CST7: variants seen among roughly 807,000 people sequenced by gnomAD.
The protein encoded by CST7 is cystatin F, also known as cystatin-F.
CST7 carries 15 observed loss-of-function variants against 13.1 expected under a neutral mutation model. That is an observed-to-expected ratio of 1.14 (90% confidence interval 0.77 to 1.76). The LOEUF (loss-of-function observed/expected upper bound fraction) is 1.76. CST7 is among the 40% of genes most tolerant of loss of function. The pLI is 0.00. For synonymous variants in CST7, 75 were observed against 66.9 expected, an observed-to-expected ratio of 1.12 and a Z score of -0.59; for missense variants, 193 against 178.8, an observed-to-expected ratio of 1.08 and a Z score of -0.45.
In CST7 at chr20:24,957,222, C is replaced by T. The variant is rs1199916593; in HGVS notation, c.71-65C>T. On this transcript the variant is annotated intron_variant, in intron 1 of 3. Coordinates refer to ENST00000480798, the MANE Select transcript of CST7 (RefSeq NM_003650.4). ...AACTGAGCATCACAGAGGCATGAGGCGTGACACCTGGACTGAAGGCCCCAC... is the reference window on the plus strand; with the variant it reads ...AACTGAGCATCACAGAGGCATGAGGTGTGACACCTGGACTGAAGGCCCCAC... The T allele has an allele frequency of 9.9e-6, 15 of 1,519,314 alleles. No homozygotes were observed. In the East Asian group the frequency reaches 2.3e-4, roughly 23 times the overall value. The allele number at this position is 1,519,314 out of a possible 1,614,324, so 94.1% of individuals were successfully genotyped here.
At chr20:24,951,135 C>T (rs2087816250) in intron 1 of CST7, among the ~76,000 whole-genome samples, 1 of 152,208 alleles carries the variant, frequency 6.6e-6, no homozygotes, top group Non-Finnish European at 1.5e-5. Flanking sequence ...AAGCCTTTCC[C>T]TCCATTCTCA....
Position 24,955,905 on chromosome 20 carries a change from C to T in CST7, c.71-1382C>T, listed in dbSNP as rs571274970. On this transcript the variant is annotated intron_variant, in intron 1 of 3. Coordinates refer to ENST00000480798, the MANE Select transcript of CST7 (RefSeq NM_003650.4). ...TCTATGGGGTGGGGCACCAGCACTG[C>T]GCTGCTTTTTTGGGATGGAAGGCCA... Among the ~76,000 whole-genome samples, 120 of 152,274 alleles carry T rather than the reference C, an allele frequency of 7.9e-4. 1 individual carries two copies. The highest frequency in any genetic ancestry group is 2.6e-4 in the Non-Finnish European group (18 of 68,022).
chr20:24,951,104 G>A (rs566969142), intron 1 of CST7, among the ~76,000 whole-genome samples: 2 of 152,214 alleles, frequency 1.3e-5, no homozygotes, highest in East Asian at 1.9e-4. Flanking sequence ...CCGGCCCCTC[G>A]CTGGTATGTA....
chr20:24,956,336 C>A (rs1053953895), intron 1 of CST7, among the ~76,000 whole-genome samples: 1 of 152,168 alleles, frequency 6.6e-6, no homozygotes, highest in African/African-American at 2.4e-5. Context: ...CCCTGCAGTG[C>A]CCAGCTATGA....
chr20:24,953,697 A>C (rs528695552), intron 1 of CST7, among the ~76,000 whole-genome samples: 3 of 151,998 alleles, frequency 2.0e-5, no homozygotes, highest in Non-Finnish European at 2.9e-5. Context: ...CCCGCATTAG[A>C]AGCAGTGGTG....
chr20:24,956,854 G>A (rs1002104406), intron 1 of CST7, among the ~76,000 whole-genome samples: 1 of 151,748 alleles, frequency 6.6e-6, no homozygotes, highest in Non-Finnish European at 1.5e-5. Context: ...TCACCTGTGG[G>A]ACATGTTCCG....
At chr20:24,959,566 C>A in intron 3 of CST7, 69 bp from the exon 4 acceptor site, 1 of 1,445,432 alleles carries the variant, frequency 6.9e-7, no homozygotes, top group Non-Finnish European at 9.7e-7. Flanking sequence ...ATGAGGACCA[C>A]CCCTCCACGG....
chr20:24,958,647 C>T (rs781691383), intron 2 of CST7, among the ~76,000 whole-genome samples: 7 of 152,154 alleles, frequency 4.6e-5, no homozygotes, highest in Non-Finnish European at 1.0e-4. Context: ...CCCAGCAGGG[C>T]ATGCAGGAGA....
chr20:24,954,012 A>C (rs2087837760), intron 1 of CST7, among the ~76,000 whole-genome samples: 2 of 147,062 alleles, frequency 1.4e-5, no homozygotes, highest in Non-Finnish European at 1.5e-5. Flanking sequence ...CTGCTCCCCC[A>C]TCCCCTGCCC....
chr20:24,954,565 C>T (rs1468847068), intron 1 of CST7, among the ~76,000 whole-genome samples: 1 of 152,122 alleles, frequency 6.6e-6, no homozygotes, highest in African/African-American at 2.4e-5. Context: ...ATAGGTTTGA[C>T]TTTTAAACAA....
intron 1 of CST7, among the ~76,000 whole-genome samples, chr20:24,950,749 G>A (rs1314390297): frequency 1.3e-5 from 2 of 152,164 alleles, no homozygotes; most frequent in East Asian, 3.9e-4. Flanking sequence ...CTGCTTCCCA[G>A]CCTCACAGGG....
chr20:24,959,436 C>G (rs972724614), intron 3 of CST7, among the ~76,000 whole-genome samples, 199 bp from the exon 4 acceptor site: 1 of 152,146 alleles, frequency 6.6e-6, no homozygotes, highest in African/African-American at 2.4e-5. Context: ...AGAACGGGAA[C>G]ACAGCAACAT....
At chr20:24,953,860 T>C (rs1376348219) in intron 1 of CST7, among the ~76,000 whole-genome samples, 1 of 152,144 alleles carries the variant, frequency 6.6e-6, no homozygotes, top group South Asian at 2.1e-4. Flanking sequence ...AGCCTGACGG[T>C]CCGTGGGTTC....
chr20:24,953,113 C>T (rs1275865692), intron 1 of CST7, among the ~76,000 whole-genome samples: 1 of 152,252 alleles, frequency 6.6e-6, no homozygotes. Context: ...ACTCCCCTGG[C>T]CTGGCAGCTT....
At chr20:24,957,580 G>GCACTC in intron 2 of CST7, 121 bp downstream of exon 2, 8 of 1,000,810 alleles carry the variant, frequency 8.0e-6, no homozygotes, top group Non-Finnish European at 1.0e-5. Flanking sequence ...GCAGAGCTCT[G>GCACTC]AGCAGAAAGC....
Position 24,949,353 on chromosome 20 carries a change from C to A in CST7, c.-153C>A. Reference sequence around the variant, plus strand: ...CCGTGCTGCCTGAGAAGGATTGGCACGGGCACAGACCACTGCCCCCACCTG... The same window carrying A: ...CCGTGCTGCCTGAGAAGGATTGGCAAGGGCACAGACCACTGCCCCCACCTG... On this transcript the variant is annotated 5_prime_UTR_variant, in exon 1 of 4. Transcript: ENST00000480798. 6.5e-7 allele frequency: 1 copy of A among 1,549,998 alleles called. No individual in the cohort carries two copies. Among genetic ancestry groups the A allele is most frequent in the Non-Finnish European group, 8.7e-7 (1 of 1,146,178 alleles).
rs185541583 is a variant in CST7, at chr20:24,956,075, G to A, written c.71-1212G>A. ...AATGGAGACTCTTTACCGGGATGGGGCGACAATCCCAAGGCCACAGAACTT... is the reference window on the plus strand; with the variant it reads ...AATGGAGACTCTTTACCGGGATGGGACGACAATCCCAAGGCCACAGAACTT... On this transcript the variant is annotated intron_variant, in intron 1 of 3. Transcript: ENST00000480798. Among the ~76,000 whole-genome samples the A allele has an allele frequency of 1.3e-3, 196 of 152,280 alleles. 1 individual carries two copies. The highest frequency in any genetic ancestry group is 4.5e-3 in the African/African-American group (186 of 41,548).
chr20:24,950,871 T>C (rs2087814931), intron 1 of CST7, among the ~76,000 whole-genome samples: 1 of 152,146 alleles, frequency 6.6e-6, no homozygotes, highest in East Asian at 1.9e-4. Flanking sequence ...AGAGGCAAGT[T>C]CACTCCAGAG....
At chr20:24,955,047 A>G (rs573445387) in intron 1 of CST7, among the ~76,000 whole-genome samples, 984 of 76,844 alleles carry the variant, frequency 0.013, 13 homozygotes, top group African/African-American at 0.057. Context: ...AAACAACAAC[A>G]ACAACAACAA....
Sources: gnomAD v4.1 joint callset for allele counts (sites outside exome capture counted in the v4.1 genomes callset) on GRCh38, gnomAD v4.1.1 for gene constraint, MANE v1.5 for transcripts, NCBI Gene and HGNC (gene_info 2026-07-23, HGNC 2026-07-21) for gene names.